Variants in TTC28 observed in about 807,000 individuals in gnomAD.
TTC28 encodes the protein tetratricopeptide repeat protein 28.
TTC28 carries 61 observed loss-of-function variants against 198.0 expected under a neutral mutation model. The ratio of observed to expected loss-of-function variants is 0.31; its 90% CI spans 0.25 to 0.38. The LOEUF is 0.38. Among genes scored for constraint, TTC28 ranks in the 10% least tolerant of loss-of-function variants. The pLI is 1.00. For synonymous variants in TTC28, 1,171 were observed against 1,297.8 expected, an observed-to-expected ratio of 0.90 and a Z score of 2.10; for missense variants, 2,678 against 3,164.0, an observed-to-expected ratio of 0.85 and a Z score of 3.69.
chr22:28,255,931 A>G (rs1930878649), intron 5 of TTC28, among the ~76,000 whole-genome samples: 1 of 152,176 alleles, frequency 6.6e-6, no homozygotes, highest in Non-Finnish European at 1.5e-5. Context: ...TGATATTAGA[A>G]TAATTTAAGA....
At chr22:28,655,119 T>C (rs1412992808) in intron 1 of TTC28, among the ~76,000 whole-genome samples, 1 of 152,246 alleles carries the variant, frequency 6.6e-6, no homozygotes, top group Non-Finnish European at 1.5e-5. Context: ...AACTGATGAA[T>C]GTTGCCTTGA....
At chr22:28,536,212 A>T (rs537682444) in intron 2 of TTC28, among the ~76,000 whole-genome samples, 1,987 of 147,712 alleles carry the variant, frequency 0.013, 65 homozygotes, top group African/African-American at 0.047. Flanking sequence ...AAAAAAAAAA[A>T]AAAAAAAACA....
chr22:28,191,465 C>T (rs1038649397), intron 5 of TTC28, among the ~76,000 whole-genome samples: 5 of 152,144 alleles, frequency 3.3e-5, no homozygotes, highest in African/African-American at 1.2e-4. Context: ...TGCAGCGCAC[C>T]GAGCGTAAGC....
Position 27,986,751 on chromosome 22 carries a change from C to T in TTC28, c.5708-1395G>A, listed in dbSNP as rs1440245220. Among the ~76,000 whole-genome samples the T allele has an allele frequency of 2.6e-5, 4 of 152,106 alleles. No homozygotes were observed. In the South Asian group the frequency reaches 6.2e-4, roughly 24 times the overall value. ...GGCAGCCAGCCTTTTGACTTGTATTCGGGGATCTGGAGACTATCATTCCCT... is the reference window on the plus strand; with the variant it reads ...GGCAGCCAGCCTTTTGACTTGTATTTGGGGATCTGGAGACTATCATTCCCT... On this transcript the variant is annotated intron_variant, in intron 21 of 22. Coordinates refer to ENST00000397906, the MANE Select transcript of TTC28 (RefSeq NM_001145418.2).
chr22:28,435,269 G>A (rs556029901), intron 2 of TTC28, among the ~76,000 whole-genome samples: 1 of 152,302 alleles, frequency 6.6e-6, no homozygotes, highest in African/African-American at 2.4e-5. Context: ...ATGGCAAAAT[G>A]TGCTGAAAAG....
intron 5 of TTC28, among the ~76,000 whole-genome samples, chr22:28,192,717 T>C (rs1449420282): frequency 6.6e-6 from 1 of 151,798 alleles, no homozygotes; most frequent in Non-Finnish European, 1.5e-5. Flanking sequence ...ATGAATGAAA[T>C]GAAGCAAGAA....
At chr22:28,598,346 T>C (rs974987942) in intron 2 of TTC28, among the ~76,000 whole-genome samples, 19 of 151,450 alleles carry the variant, frequency 1.3e-4, no homozygotes, top group African/African-American at 4.6e-4. Flanking sequence ...CCATCTCTAC[T>C]AAAAATACAA....
At chr22:28,581,816 T>C (rs184893530) in intron 2 of TTC28, among the ~76,000 whole-genome samples, 1 of 152,352 alleles carries the variant, frequency 6.6e-6, no homozygotes, top group East Asian at 1.9e-4. Flanking sequence ...TCTATGTTAC[T>C]TGGCATAATC....
chr22:28,293,598 T>G (rs916361503), intron 5 of TTC28, among the ~76,000 whole-genome samples: 1 of 151,990 alleles, frequency 6.6e-6, no homozygotes, highest in Non-Finnish European at 1.5e-5. Flanking sequence ...TACTCAAAAT[T>G]TGCTAAAAGA....
intron 5 of TTC28, among the ~76,000 whole-genome samples, chr22:28,238,963 C>T (rs1929456810): frequency 6.6e-6 from 1 of 152,176 alleles, no homozygotes; most frequent in African/African-American, 2.4e-5. Flanking sequence ...CCATTGTGCT[C>T]TATGAGGTTC....
intron 2 of TTC28, among the ~76,000 whole-genome samples, chr22:28,355,237 A>G (rs898946589): frequency 1.4e-4 from 22 of 152,116 alleles, no homozygotes; most frequent in Non-Finnish European, 2.1e-4. Context: ...AATGAACACT[A>G]TGGAGGAAAA....
At chr22:28,095,318 C>T (rs1008309302) in intron 11 of TTC28, among the ~76,000 whole-genome samples, 4 of 151,796 alleles carry the variant, frequency 2.6e-5, no homozygotes, top group Admixed American at 1.3e-4. Context: ...AGAATGTATA[C>T]GCACAAATGC....
chr22:28,408,023 T>C (rs1181777024), intron 2 of TTC28, among the ~76,000 whole-genome samples: 1 of 152,272 alleles, frequency 6.6e-6, no homozygotes, highest in Non-Finnish European at 1.5e-5. Context: ...ATTTCTCTTA[T>C]ATTTGGGTTA....
chr22:28,650,333 C>T (rs1026926244), intron 1 of TTC28, among the ~76,000 whole-genome samples: 34 of 152,070 alleles, frequency 2.2e-4, no homozygotes, highest in African/African-American at 7.5e-4. Context: ...CAATTATCTA[C>T]GATGTACAAA....
chr22:28,403,469 G>A (rs780572601), intron 2 of TTC28, among the ~76,000 whole-genome samples: 1 of 152,082 alleles, frequency 6.6e-6, no homozygotes, highest in Non-Finnish European at 1.5e-5. Flanking sequence ...TAAATATGAC[G>A]CCAGGATCTA....
In TTC28 at chr22:27,993,388, A is replaced by G. The variant is rs1418207920; in HGVS notation, c.5375T>C (p.Leu1792Pro). The change falls in exon 18 of 23, where the codon CTG becomes CCG. Residue 1792 changes from leucine (L) to proline (P), a missense_variant. By Grantham distance (98) the Leu-to-Pro change is moderately conservative (BLOSUM62 -3). This residue lies in a region of TTC28 where 314 missense variants were observed against 442.7 expected (regional missense o/e 0.71). Coordinates refer to ENST00000397906, the MANE Select transcript of TTC28 (RefSeq NM_001145418.2). ...QALLTAVGFR[L>P]DPPTSGLPAA... ...TGGCAGGCCACTGGTTGGGGGGTCC[A>G]GCCGGAAGCCCACAGCGGTGAGGAG... 3.2e-5 allele frequency: 49 copies of G among 1,551,242 alleles called. No homozygotes were observed. Among genetic ancestry groups the G allele is most frequent in the Non-Finnish European group, 4.1e-5 (47 of 1,146,996 alleles).
intron 17 of TTC28, among the ~76,000 whole-genome samples, chr22:27,995,086 A>C (rs139817176): frequency 9.2e-5 from 14 of 152,302 alleles, no homozygotes; most frequent in African/African-American, 3.4e-4. Context: ...TCAGAAGTGC[A>C]TGTAGAGCTA....
intron 12 of TTC28, among the ~76,000 whole-genome samples, chr22:28,070,813 G>A (rs1331677021): frequency 2.6e-5 from 4 of 152,202 alleles, no homozygotes; most frequent in African/African-American, 9.7e-5. Context: ...ATGTGACACA[G>A]TTTCAACGTA....
intron 2 of TTC28, among the ~76,000 whole-genome samples, chr22:28,502,934 C>T (rs2048557105): frequency 6.6e-6 from 1 of 152,112 alleles, no homozygotes; most frequent in South Asian, 2.1e-4. Context: ...TGGACACTAC[C>T]TGACAGATTT....
Sources: allele counts gnomAD v4.1 joint callset (sites outside exome capture counted in the v4.1 genomes callset), GRCh38; gene constraint gnomAD v4.1.1; regional missense constraint gnomAD v4.1.1; transcripts MANE v1.5; gene names NCBI Gene and HGNC (gene_info 2026-07-23, HGNC 2026-07-21).